Variants in TTC28 observed in about 807,000 individuals in gnomAD.
The protein encoded by TTC28 is tetratricopeptide repeat protein 28.
A neutral mutation model predicts 198.0 loss-of-function variants in TTC28; 61 were observed. The observed-to-expected ratio is 0.31, with a 90% CI of 0.25 to 0.38. TTC28 has a LOEUF of 0.38. Among genes scored for constraint, TTC28 ranks in the 10% least tolerant of loss-of-function variants. The pLI is 1.00. For missense variants in TTC28, 2,678 were observed against 3,164.0 expected, an observed-to-expected ratio of 0.85 and a Z score of 3.69; for synonymous variants, 1,171 against 1,297.8, an observed-to-expected ratio of 0.90 and a Z score of 2.10.
intron 2 of TTC28, among the ~76,000 whole-genome samples, chr22:28,513,675 G>A (rs2048728526): frequency 6.6e-6 from 1 of 152,010 alleles, no homozygotes; most frequent in African/African-American, 2.4e-5. Context: ...ACATTTTACT[G>A]ACAGGAAAAC....
At chr22:28,115,894 T>C (rs1033207571) in intron 6 of TTC28, among the ~76,000 whole-genome samples, 2 of 152,164 alleles carry the variant, frequency 1.3e-5, no homozygotes, top group African/African-American at 2.4e-5. Context: ...TATAATAAGG[T>C]TGGGAAATCT....
At chr22:28,065,840 G>C (rs1202393875) in intron 12 of TTC28, among the ~76,000 whole-genome samples, 1 of 152,276 alleles carries the variant, frequency 6.6e-6, no homozygotes, top group Admixed American at 6.5e-5. Flanking sequence ...TTTTGGCTTG[G>C]ACTGTGCACA....
chr22:28,397,577 T>C (rs2046837366), intron 2 of TTC28, among the ~76,000 whole-genome samples: 1 of 152,200 alleles, frequency 6.6e-6, no homozygotes, highest in African/African-American at 2.4e-5. Context: ...ATGCTTCTGA[T>C]AGACATCAAG....
intron 2 of TTC28, among the ~76,000 whole-genome samples, chr22:28,339,789 C>T (rs555953323): frequency 2.0e-5 from 3 of 152,274 alleles, no homozygotes; most frequent in South Asian, 2.1e-4. Context: ...TGCCATCTGT[C>T]ACCCCTTTCT....
chr22:28,230,509 A>G (rs984876585), intron 5 of TTC28, among the ~76,000 whole-genome samples: 2 of 152,206 alleles, frequency 1.3e-5, no homozygotes, highest in African/African-American at 4.8e-5. Context: ...CAGAAAAGAA[A>G]ACAACCCTTT....
intron 2 of TTC28, among the ~76,000 whole-genome samples, chr22:28,555,036 C>T (rs1283174916): frequency 2.6e-5 from 4 of 152,112 alleles, no homozygotes; most frequent in Admixed American, 2.0e-4. Flanking sequence ...AAAAAGTGAG[C>T]TGAAGACATA....
intron 1 of TTC28, among the ~76,000 whole-genome samples, chr22:28,634,728 G>A (rs986759774): frequency 6.6e-6 from 1 of 151,568 alleles, no homozygotes; most frequent in Admixed American, 6.6e-5. Context: ...GGGATTACAG[G>A]TGTGCACCAC....
chr22:28,263,576 C>T (rs1295215678), intron 5 of TTC28, among the ~76,000 whole-genome samples: 2 of 152,058 alleles, frequency 1.3e-5, no homozygotes, highest in Admixed American at 6.6e-5. Flanking sequence ...CTCTCCTATA[C>T]CTACACTATT....
At chr22:28,187,733 G>C (rs1250264692) in intron 5 of TTC28, among the ~76,000 whole-genome samples, 1 of 152,152 alleles carries the variant, frequency 6.6e-6, no homozygotes, top group African/African-American at 2.4e-5. Flanking sequence ...AAGTCAGCTG[G>C]GGGCATCAAG....
intron 5 of TTC28, among the ~76,000 whole-genome samples, chr22:28,211,669 A>C (rs1429956718): frequency 1.3e-5 from 2 of 152,016 alleles, no homozygotes; most frequent in Non-Finnish European, 2.9e-5. Flanking sequence ...TTAGATTCCA[A>C]ACAATAATAA....
At chr22:28,600,207 C>A (rs1168474335) in intron 2 of TTC28, among the ~76,000 whole-genome samples, 1 of 151,598 alleles carries the variant, frequency 6.6e-6, no homozygotes, top group African/African-American at 2.4e-5. Flanking sequence ...CCAGACTAGG[C>A]AACAGAGCGA....
At chr22:28,623,262 A>G (rs2051029128) in intron 2 of TTC28, among the ~76,000 whole-genome samples, 1 of 152,206 alleles carries the variant, frequency 6.6e-6, no homozygotes, top group Non-Finnish European at 1.5e-5. Flanking sequence ...CAGACAAAAT[A>G]GTTTATAATA....
At chr22:27,995,346 C>T (rs1315499564) in intron 17 of TTC28, among the ~76,000 whole-genome samples, 3 of 152,186 alleles carry the variant, frequency 2.0e-5, no homozygotes, top group Admixed American at 6.5e-5. Flanking sequence ...GCATGGGCCC[C>T]AGGCTGGCAC....
In TTC28 at chr22:27,983,949, A is replaced by G. The variant is rs980587166; in HGVS notation, c.5816-98T>C. The G allele has an allele frequency of 1.7e-5, 22 of 1,268,076 alleles. 1 individual carries two copies. Among genetic ancestry groups the G allele is most frequent in the South Asian group, 1.6e-4 (10 of 63,722 alleles). The allele number at this position is 1,268,076 out of a possible 1,614,324, so 78.6% of individuals were successfully genotyped here. On this transcript the variant is annotated intron_variant, in intron 22 of 22. Transcript: ENST00000397906. ...CGACATCTTTATATGCATAGAAGCT[A>G]GCAAAGAATTATGCAAGAGCTACTC...
In TTC28 at chr22:27,982,659, T is replaced by C; in HGVS notation, c.7008A>G (p.Pro2336=). Residue 2336 remains proline (P), a synonymous_variant, in exon 23 of 23, where the codon CCA becomes CCG. Coordinates refer to ENST00000397906, the MANE Select transcript of TTC28 (RefSeq NM_001145418.2). This position sits in a 1 kb window ranked among gnomAD's most constrained non-coding sequence, Gnocchi z 5.2. The part of the protein sequence containing the change: ...YSSAGSARSS[P]ADAPDIDKLK... ...GTTTGTCTATGTCGGGAGCGTCTGCTGGACTTGAGCGAGCAGATCCAGCTG... is the reference window on the plus strand; with the variant it reads ...GTTTGTCTATGTCGGGAGCGTCTGCCGGACTTGAGCGAGCAGATCCAGCTG... The C allele has an allele frequency of 3.2e-6, 5 of 1,551,638 alleles. No homozygotes were observed. Among genetic ancestry groups the C allele is most frequent in the South Asian group, 1.2e-5 (1 of 84,058 alleles).
intron 2 of TTC28, among the ~76,000 whole-genome samples, chr22:28,409,781 C>T (rs1306293595): frequency 1.3e-5 from 2 of 151,422 alleles, no homozygotes; most frequent in African/African-American, 4.8e-5. Flanking sequence ...CCCAGCCTCC[C>T]GAGTAGCTGG....
chr22:28,175,023 T>TAA (rs760749501), intron 5 of TTC28, among the ~76,000 whole-genome samples: 3 of 138,102 alleles, frequency 2.2e-5, no homozygotes, highest in Admixed American at 7.3e-5. Context: ...GGTAGTCTCT[T>TAA]AAAAAAAAAA....
rs995193766 is a variant in TTC28 at position 28,598,495 on chromosome 22, C to A, written c.381+31057G>T. On this transcript the variant is annotated intron_variant, in intron 2 of 22. Coordinates refer to ENST00000397906, the MANE Select transcript of TTC28 (RefSeq NM_001145418.2). ...CTGCACTCCAGCCTGGGCAACAGAG[C>A]GAGACTACGTCTCCAAAAAAAAAAA... 3.6e-5 allele frequency among the ~76,000 whole-genome samples: 4 copies of A among 111,678 alleles called. No homozygotes were observed. In the Admixed American group the frequency reaches 5.8e-4, roughly 16 times the overall value. The allele number at this position is 111,678 out of a possible 152,430, so 73.3% of individuals were successfully genotyped here.
chr22:28,525,873 C>CT (rs1201109285), intron 2 of TTC28, among the ~76,000 whole-genome samples: 19 of 152,108 alleles, frequency 1.2e-4, no homozygotes, highest in Admixed American at 1.2e-3. Context: ...ATTTGTATGG[C>CT]TTTTTAGATG....
Sources: gnomAD v4.1 joint callset for allele counts (sites outside exome capture counted in the v4.1 genomes callset) on GRCh38, gnomAD v4.1.1 for gene constraint, Gnocchi (gnomAD v3.1) non-coding constraint, MANE v1.5 for transcripts, NCBI Gene and HGNC (gene_info 2026-07-23, HGNC 2026-07-21) for gene names.